TPST1: variants seen among roughly 807,000 people sequenced by gnomAD.
TPST1 encodes the protein protein-tyrosine sulfotransferase 1.
In TPST1, 20 loss-of-function variants were observed where a neutral mutation model predicts 34.8. The ratio of observed to expected loss-of-function variants is 0.57; its 90% CI spans 0.40 to 0.84. The LOEUF (loss-of-function observed/expected upper bound fraction) is 0.84, where lower values mean the gene tolerates loss of function less well. Among genes scored for constraint, TPST1 ranks in the 40% least tolerant of loss-of-function variants. The probability of loss-of-function intolerance (pLI) is 0.00; values close to 1 mark genes in which losing one functional copy is unlikely to be tolerated. For missense variants in TPST1, 353 were observed against 455.5 expected, an observed-to-expected ratio of 0.78 and a Z score of 2.05; for synonymous variants, 152 against 159.4, an observed-to-expected ratio of 0.95 and a Z score of 0.35.
intron 3 of TPST1, among the ~76,000 whole-genome samples, chr7:66,323,040 CTTG>C (rs1562844354): frequency 1.3e-5 from 2 of 151,838 alleles, no homozygotes; most frequent in Non-Finnish European, 2.9e-5. Flanking sequence ...TTTTCATATG[CTTG>C]TTGTCTATTT....
At chr7:66,215,258 T>A (rs1481072742) in intron 1 of TPST1, among the ~76,000 whole-genome samples, 3 of 149,980 alleles carry the variant, frequency 2.0e-5, no homozygotes, top group Admixed American at 6.7e-5. Flanking sequence ...TTTCACCATG[T>A]TGGCCAGGAT....
At chr7:66,343,906 A>C (rs774285713) in intron 3 of TPST1, among the ~76,000 whole-genome samples, 6 of 152,238 alleles carry the variant, frequency 3.9e-5, no homozygotes, top group Non-Finnish European at 8.8e-5. Flanking sequence ...TGGGTAACAT[A>C]AGCAGACAAT....
chr7:66,235,896 G>A (rs1562807657), intron 1 of TPST1, among the ~76,000 whole-genome samples: 1 of 152,114 alleles, frequency 6.6e-6, no homozygotes. Context: ...GGTGAGAGAC[G>A]CACAGTTGCA....
At chr7:66,344,807 TC>T (rs1271880765) in intron 3 of TPST1, among the ~76,000 whole-genome samples, 2 of 149,428 alleles carry the variant, frequency 1.3e-5, no homozygotes, top group South Asian at 2.1e-4. Flanking sequence ...CACTGCAAGC[TC>T]CGCCTCCTGG....
At chr7:66,200,829 C>T (rs1789027151), upstream of TPST1, among the ~76,000 whole-genome samples, 1 of 152,132 alleles carries the variant, frequency 6.6e-6, no homozygotes. Flanking sequence ...TGAGTTCAAG[C>T]GATTCTCCTG....
upstream of TPST1, among the ~76,000 whole-genome samples, chr7:66,200,786 GCA>G (rs1355497823): frequency 1.3e-5 from 2 of 151,906 alleles, no homozygotes; most frequent in Admixed American, 1.3e-4. Flanking sequence ...GAGTGCAGTT[GCA>G]CAGTCTCCGC....
chr7:66,319,446 A>G (rs1791704331), intron 3 of TPST1, among the ~76,000 whole-genome samples: 1 of 152,240 alleles, frequency 6.6e-6, no homozygotes, highest in Admixed American at 6.5e-5. Flanking sequence ...TAAAACATCA[A>G]AAGTTGATCT....
chr7:66,342,300 T>G (rs975585826), intron 3 of TPST1, among the ~76,000 whole-genome samples: 1 of 152,136 alleles, frequency 6.6e-6, no homozygotes, highest in African/African-American at 2.4e-5. Context: ...ATACTGAGAA[T>G]CACAGATTAC....
At chr7:66,309,845 C>T (rs894736344) in intron 3 of TPST1, among the ~76,000 whole-genome samples, 1 of 150,222 alleles carries the variant, frequency 6.7e-6, no homozygotes, top group African/African-American at 2.5e-5. Context: ...TTTTTTTTAA[C>T]AGGGAAAAAA....
chr7:66,254,611 C>A (rs1790345276), intron 2 of TPST1, among the ~76,000 whole-genome samples: 1 of 151,984 alleles, frequency 6.6e-6, no homozygotes, highest in African/African-American at 2.4e-5. Flanking sequence ...GCCATGTTTT[C>A]CAGGCTGGTC....
intron 4 of TPST1, among the ~76,000 whole-genome samples, chr7:66,354,598 G>A (rs1792546317): frequency 6.7e-6 from 1 of 149,886 alleles, no homozygotes; most frequent in African/African-American, 2.4e-5. Context: ...TCAAGAAAAG[G>A]TATTTGAGAC....
At chr7:66,274,362 G>A (rs969637412) in intron 2 of TPST1, among the ~76,000 whole-genome samples, 21 of 148,044 alleles carry the variant, frequency 1.4e-4, no homozygotes, top group Non-Finnish European at 2.8e-4. Flanking sequence ...GTGAGACTCC[G>A]TCTGAAAAAA....
chr7:66,330,678 A>C (rs1791979438), intron 3 of TPST1, among the ~76,000 whole-genome samples: 1 of 152,126 alleles, frequency 6.6e-6, no homozygotes, highest in Non-Finnish European at 1.5e-5. Context: ...ACCTCCTAAC[A>C]ATCTAAAATC....
intron 1 of TPST1, among the ~76,000 whole-genome samples, chr7:66,237,555 G>C (rs915943492): frequency 2.6e-5 from 4 of 152,042 alleles, no homozygotes; most frequent in African/African-American, 4.8e-5. Flanking sequence ...GTATCCTTAG[G>C]GTTCTCCAGA....
upstream of TPST1, among the ~76,000 whole-genome samples, chr7:66,204,377 G>A (rs1315442734): frequency 1.3e-5 from 2 of 152,132 alleles, no homozygotes; most frequent in African/African-American, 4.8e-5. Flanking sequence ...CACCATGCCC[G>A]GCTAATTTTT....
chr7:66,308,098 G>A (rs1231199344), intron 3 of TPST1, among the ~76,000 whole-genome samples: 3 of 152,154 alleles, frequency 2.0e-5, no homozygotes, highest in Non-Finnish European at 4.4e-5. Flanking sequence ...GACACAAAAT[G>A]TGCAGTCATG....
chr7:66,278,236 T>C (rs761600111), intron 2 of TPST1, among the ~76,000 whole-genome samples: 56 of 151,978 alleles, frequency 3.7e-4, no homozygotes, highest in Non-Finnish European at 7.4e-4. Context: ...TTGATAAGAT[T>C]TCCTGATGGA....
At chr7:66,343,754 C>T (rs763489932) in intron 3 of TPST1, among the ~76,000 whole-genome samples, 7 of 152,188 alleles carry the variant, frequency 4.6e-5, no homozygotes, top group Non-Finnish European at 1.0e-4. Flanking sequence ...ATCAAAGTTG[C>T]ATGAGGCATA....
chr7:66,235,701 C>A (rs1372255192), intron 1 of TPST1, among the ~76,000 whole-genome samples: 3 of 152,154 alleles, frequency 2.0e-5, no homozygotes, highest in Non-Finnish European at 4.4e-5. Flanking sequence ...GAAGCAGCCT[C>A]AGGAAGTCCT....
Sources: gnomAD v4.1 joint callset for allele counts (sites outside exome capture counted in the v4.1 genomes callset) on GRCh38, gnomAD v4.1.1 for gene constraint, MANE v1.5 for transcripts, NCBI Gene and HGNC (gene_info 2026-07-23, HGNC 2026-07-21) for gene names.